Variants in CTNND2 observed in about 807,000 individuals in gnomAD.
CTNND2 encodes the protein catenin delta 2, also known as catenin delta-2.
In CTNND2, 22 loss-of-function variants were observed where a neutral mutation model predicts 144.4. The observed-to-expected ratio is 0.15, with a 90% confidence interval of 0.11 to 0.22. The LOEUF (loss-of-function observed/expected upper bound fraction) is 0.22. CTNND2 is among the 10% of genes least tolerant of loss of function. The pLI, the probability that CTNND2 is intolerant of heterozygous loss-of-function variation, is 1.00. For synonymous variants in CTNND2, 751 were observed against 695.6 expected (o/e 1.08, Z -1.25); for missense variants, 1,353 against 1,618.8 (o/e 0.84, Z 2.82).
chr5:11,318,066 T>C (rs56191875), intron 9 of CTNND2, among the ~76,000 whole-genome samples: 2,355 of 152,256 alleles, frequency 0.015, 42 homozygotes, highest in African/African-American at 0.053. Context: ...CAGGGAACCC[T>C]CAGTCCCTCT....
intron 12 of CTNND2, among the ~76,000 whole-genome samples, chr5:11,130,328 A>G (rs1755460028): frequency 1.3e-5 from 2 of 152,282 alleles, no homozygotes; most frequent in South Asian, 4.1e-4. Context: ...GATGACGATT[A>G]AACACTGCAC....
intron 3 of CTNND2, among the ~76,000 whole-genome samples, chr5:11,471,949 TG>T (rs1767271706): frequency 6.6e-6 from 1 of 152,222 alleles, no homozygotes; most frequent in Non-Finnish European, 1.5e-5. Context: ...TAACACAAGC[TG>T]GCAAAACTTC....
chr5:11,187,929 G>T (rs1735811891), intron 11 of CTNND2, among the ~76,000 whole-genome samples: 2 of 152,098 alleles, frequency 1.3e-5, no homozygotes, highest in Admixed American at 1.3e-4. Context: ...TTAGAATGGT[G>T]ATTATTAAAA....
intron 3 of CTNND2, among the ~76,000 whole-genome samples, chr5:11,485,089 C>T (rs374062423): frequency 6.6e-6 from 1 of 152,060 alleles, no homozygotes; most frequent in African/African-American, 2.4e-5. Flanking sequence ...AAATCAATAG[C>T]TTTTCTGTAA....
At chr5:11,084,571 G>A (rs1277473752) in intron 15 of CTNND2, among the ~76,000 whole-genome samples, 2 of 152,142 alleles carry the variant, frequency 1.3e-5, no homozygotes, top group Admixed American at 6.5e-5. Context: ...TTGCAACATC[G>A]GGGAGATATT....
At chr5:11,842,405 C>T (rs1489810119) in intron 1 of CTNND2, among the ~76,000 whole-genome samples, 3 of 152,220 alleles carry the variant, frequency 2.0e-5, no homozygotes, top group South Asian at 4.1e-4. Flanking sequence ...ATCTTGGTAG[C>T]AACATATACT....
At chr5:11,862,737 C>T (rs544045744) in intron 1 of CTNND2, among the ~76,000 whole-genome samples, 4 of 152,142 alleles carry the variant, frequency 2.6e-5, no homozygotes, top group East Asian at 1.9e-4. Flanking sequence ...CTTGGCTATA[C>T]GACAATTTAT....
At chr5:11,064,885 C>A (rs929514407) in intron 16 of CTNND2, among the ~76,000 whole-genome samples, 6 of 152,146 alleles carry the variant, frequency 3.9e-5, no homozygotes, top group Non-Finnish European at 8.8e-5. Flanking sequence ...GGATTTTAGG[C>A]AGTGGTGATT....
chr5:11,667,809 C>T (rs956662608), intron 2 of CTNND2, among the ~76,000 whole-genome samples: 2 of 152,150 alleles, frequency 1.3e-5, no homozygotes, highest in Admixed American at 6.6e-5. Context: ...GTTGCCACTG[C>T]TTTTAGTGTT....
chr5:11,474,609 C>G lies in CTNND2; in HGVS notation c.288-62540G>C, dbSNP rs117987490. Among the ~76,000 whole-genome samples the G allele has an allele frequency of 2.1e-3, 326 of 152,238 alleles. 9 individuals are homozygous for G. The East Asian group carries it at 0.047, about 22-fold the overall frequency. Reference sequence around the variant, plus strand: ...AGGGCACCAAGACAGAAGACACCAACGCAGGTGTCTCCTTAGGGATAGCAA... The same window carrying G: ...AGGGCACCAAGACAGAAGACACCAAGGCAGGTGTCTCCTTAGGGATAGCAA... On this transcript the variant is annotated intron_variant, in intron 3 of 21. Transcript: ENST00000304623.
intron 16 of CTNND2, 75 bp downstream of exon 16, chr5:11,082,621 G>C: frequency 6.5e-7 from 1 of 1,545,844 alleles, no homozygotes; most frequent in Non-Finnish European, 8.8e-7. Context: ...TATGCATACG[G>C]GTTCAACCAC....
chr5:11,011,707 C>G (rs1033584144), intron 18 of CTNND2, among the ~76,000 whole-genome samples: 3 of 152,170 alleles, frequency 2.0e-5, no homozygotes, highest in Non-Finnish European at 4.4e-5. Context: ...GTTTGAATGG[C>G]CTGGCTTGTC....
chr5:11,677,721 C>T (rs181760132), intron 2 of CTNND2, among the ~76,000 whole-genome samples: 6 of 152,214 alleles, frequency 3.9e-5, no homozygotes, highest in African/African-American at 1.4e-4. Flanking sequence ...CATTCAAAAA[C>T]CGTGAAAGGG....
At chr5:11,800,826 AATAG>A (rs1188268133) in intron 1 of CTNND2, among the ~76,000 whole-genome samples, 1 of 152,202 alleles carries the variant, frequency 6.6e-6, no homozygotes, top group Non-Finnish European at 1.5e-5. Flanking sequence ...AAGATAAAGT[AATAG>A]ATACTTTATA....
At chr5:11,631,516 G>GATT (rs1216076089) in intron 2 of CTNND2, among the ~76,000 whole-genome samples, 12 of 146,296 alleles carry the variant, frequency 8.2e-5, no homozygotes, top group African/African-American at 3.1e-4. Flanking sequence ...TAATCAATGT[G>GATT]AGAGAAGCTG....
chr5:11,346,334 T>C (rs1320089182), intron 9 of CTNND2, 38 bp downstream of exon 9: 33 of 1,402,960 alleles, frequency 2.4e-5, no homozygotes, highest in African/African-American at 3.0e-5. Flanking sequence ...ACAAAACCTC[T>C]TTAGACATCA....
At chr5:11,075,610 C>A (rs918624740) in intron 16 of CTNND2, among the ~76,000 whole-genome samples, 2 of 152,230 alleles carry the variant, frequency 1.3e-5, no homozygotes, top group Non-Finnish European at 2.9e-5. Context: ...AGCCCTGGTT[C>A]GCCTGCTGGA....
Position 11,346,603 on chromosome 5 carries a change from G to A in CTNND2, c.1397C>T (p.Ser466Phe). Residue 466 changes from serine to phenylalanine, a missense_variant, in exon 9 of 22, where the codon TCC becomes TTC. Coordinates refer to ENST00000304623, the MANE Select transcript of CTNND2 (RefSeq NM_001332.4). ...GCTGCCTGTGCGCTGCAAGGGGACG[G>A]AGTCGACACCAGGGGAAGATGGGGC... ...STAPSSPGVDSVPLQRTGSQH... is the reference protein window; with the variant it reads ...STAPSSPGVDFVPLQRTGSQH... The A allele has an allele frequency of 6.5e-7, 1 of 1,549,694 alleles. No homozygotes were observed. The highest frequency in any genetic ancestry group is 8.7e-7 in the Non-Finnish European group (1 of 1,146,758).
intron 3 of CTNND2, among the ~76,000 whole-genome samples, chr5:11,527,923 C>A (rs1371551873): frequency 2.6e-5 from 4 of 152,114 alleles, no homozygotes; most frequent in Non-Finnish European, 5.9e-5. Flanking sequence ...TACGGCGCTG[C>A]ATTAAGGGTG....
Sources: allele counts gnomAD v4.1 joint callset (sites outside exome capture counted in the v4.1 genomes callset), GRCh38; gene constraint gnomAD v4.1.1; transcripts MANE v1.5; gene names NCBI Gene and HGNC (gene_info 2026-07-23, HGNC 2026-07-21).